GNL3L: variants seen among roughly 807,000 people sequenced by gnomAD.
The protein encoded by GNL3L is guanine nucleotide-binding protein-like 3-like protein.
GNL3L carries 4 observed loss-of-function variants against 42.9 expected under a neutral mutation model. The ratio of observed to expected loss-of-function variants is 0.09; its 90% CI spans 0.05 to 0.21. The LOEUF (loss-of-function observed/expected upper bound fraction) is 0.21, where lower values mean the gene tolerates loss of function less well. Ranked by LOEUF, GNL3L falls within the 10% of genes least tolerant of loss-of-function variation. The pLI is 1.00. For missense variants in GNL3L, 412 were observed against 481.7 expected (o/e 0.86, Z 1.36); for synonymous variants, 159 against 176.3 (o/e 0.90, Z 0.78).
chrX:54,623,917 T>C (rs936142279), downstream of GNL3L, among the ~76,000 whole-genome samples: 4 of 104,079 alleles, frequency 3.8e-5, no homozygotes, highest in African/African-American at 1.2e-4. Flanking sequence ...GTGGATTCTT[T>C]GGGATTTTTT....
At chrX:54,573,783 A>G (rs1275520621) in intron 16 of GNL3L, among the ~76,000 whole-genome samples, 2 of 110,354 alleles carry the variant, frequency 1.8e-5, no homozygotes, top group South Asian at 3.8e-4. Flanking sequence ...TACTTCTCTG[A>G]TAATTCTAAC....
intron 8 of GNL3L, 110 bp from the exon 9 acceptor site, chrX:54,548,119 C>T (rs759870572): frequency 9.8e-4 from 534 of 543,734 alleles, no homozygotes; most frequent in African/African-American, 5.3e-3. Context: ...CCTTCCGTTT[C>T]AGGCTGAGGA....
At chrX:54,597,747 C>T (rs1386880643) in intron 16 of GNL3L, among the ~76,000 whole-genome samples, 1 of 111,457 alleles carries the variant, frequency 9.0e-6, no homozygotes, top group Non-Finnish European at 1.9e-5. Context: ...TTGATTCCCT[C>T]TGACTAGGGC....
At position 54,564,402 on chromosome X, in the gene GNL3L, C is replaced by CTTTTTTTTTTTTTTTTTTTTTT. The variant is rs567172499; in HGVS notation, c.*3820_*3821insTTTTTTTTTTTTTTTTTTTTTT. On this transcript the variant is annotated 3_prime_UTR_variant, in exon 16 of 16. Coordinates refer to ENST00000360845, the MANE Select transcript of GNL3L (RefSeq NM_001184819.2). ...AGTCACTGGTTTTTTTCTTCGTTCTCTTTTTTTTTTTTTTTTTTTTGAGAC... is the reference window on the plus strand; with the variant it reads ...AGTCACTGGTTTTTTTCTTCGTTCTCTTTTTTTTTTTTTTTTTTTTTTTTTTTTTTTTTTTTTTTTTTGAGAC... 3.7e-5 allele frequency among the ~76,000 whole-genome samples: 3 copies of CTTTTTTTTTTTTTTTTTTTTTT among 80,808 alleles called. No homozygotes were observed. The highest frequency in any genetic ancestry group is 1.5e-4 in the Admixed American group (1 of 6,651). The allele number at this position is 80,808 out of a possible 115,157, so 70.2% of individuals were successfully genotyped here. A position where few individuals can be genotyped will look rare whatever the true frequency, so the allele number is the denominator to read the frequency against.
At chrX:54,550,283 TAG>T (rs1924896690) in intron 9 of GNL3L, among the ~76,000 whole-genome samples, 1 of 106,260 alleles carries the variant, frequency 9.4e-6, no homozygotes, top group African/African-American at 3.5e-5. Flanking sequence ...GAGAATGACC[TAG>T]AGAGAGGGAG....
chrX:54,543,089 C>T, intron 6 of GNL3L, 51 bp downstream of exon 6: 1 of 1,080,457 alleles, frequency 9.3e-7, no homozygotes, highest in Non-Finnish European at 1.3e-6. Flanking sequence ...CAGTCCAGCC[C>T]CTTTTCCTCT....
chrX:54,566,498 T>C lies in GNL3L; in HGVS notation c.*5896T>C, dbSNP rs1245241387. Among the ~76,000 whole-genome samples, 2 of 112,240 alleles carry C rather than the reference T, an allele frequency of 1.8e-5. No individual in the cohort carries two copies. Among genetic ancestry groups the C allele is most frequent in the East Asian group, 5.6e-4 (2 of 3,583 alleles). ...CCCAACCCCTTCTGCCCACAACCTC[T>C]GGCGACTGCCATGCTACTTTCTGTC... On this transcript the variant is annotated 3_prime_UTR_variant, in exon 16 of 16. Transcript: ENST00000360845.
At chrX:54,531,406 A>G (rs936384899) in intron 1 of GNL3L, among the ~76,000 whole-genome samples, 5 of 111,180 alleles carry the variant, frequency 4.5e-5, no homozygotes, top group Admixed American at 1.9e-4. Context: ...CCTTTACCCA[A>G]GGTAGTGGAG....
chrX:54,591,391 G>A (rs1925869949), intron 16 of GNL3L, among the ~76,000 whole-genome samples: 1 of 109,277 alleles, frequency 9.2e-6, no homozygotes, highest in Admixed American at 9.9e-5. Flanking sequence ...TCAGGGGTTC[G>A]AGACCAGCTT....
At chrX:54,635,366 A>G in the GNL3L span, among the ~76,000 whole-genome samples, 1 of 111,470 alleles carries the variant, frequency 9.0e-6, no homozygotes, top group Admixed American at 9.5e-5. Context: ...ATTTAAGTCA[A>G]TTGTTTTAAA....
chrX:54,639,651 C>G, the GNL3L span, among the ~76,000 whole-genome samples: 4 of 111,746 alleles, frequency 3.6e-5, no homozygotes, highest in African/African-American at 1.3e-4. Flanking sequence ...GCGTCTCTTA[C>G]AAGTAGTGTG....
chrX:54,546,675 T>G (rs1924782164), intron 8 of GNL3L, among the ~76,000 whole-genome samples: 1 of 112,126 alleles, frequency 8.9e-6, no homozygotes, highest in South Asian at 3.7e-4. Flanking sequence ...AGATGGAGTT[T>G]CACTCTTGTT....
intron 16 of GNL3L, among the ~76,000 whole-genome samples, chrX:54,609,206 G>A (rs1926135402): frequency 9.0e-6 from 1 of 111,566 alleles, no homozygotes; most frequent in South Asian, 3.7e-4. Context: ...TGGATTATTT[G>A]TTTTTTTCTT....
At chrX:54,598,322 A>G (rs143268188) in intron 16 of GNL3L, among the ~76,000 whole-genome samples, 2,023 of 111,781 alleles carry the variant, frequency 0.018, 20 homozygotes, top group Non-Finnish European at 0.031. Flanking sequence ...GAGGAGTGAC[A>G]AAAACAAGGG....
chrX:54,544,131 C>A, intron 7 of GNL3L, 92 bp from the exon 8 acceptor site: 1 of 501,276 alleles, frequency 2.0e-6, no homozygotes, highest in Non-Finnish European at 3.6e-6. Context: ...GTAGGTGGGC[C>A]TAGCTTTGGG....
intron 16 of GNL3L, among the ~76,000 whole-genome samples, chrX:54,583,064 C>A (rs751728654): frequency 8.9e-6 from 1 of 111,872 alleles, no homozygotes; most frequent in South Asian, 3.7e-4. Context: ...AGATATTAGT[C>A]ATTTGTTGAA....
In GNL3L at chrX:54,567,021, T is replaced by C. The variant is rs1050069151; in HGVS notation, c.*6419T>C. On this transcript the variant is annotated 3_prime_UTR_variant, in exon 16 of 16. Coordinates refer to ENST00000360845, the MANE Select transcript of GNL3L (RefSeq NM_001184819.2). The stretch of plus-strand genomic sequence containing the variant: ...TTGCTTAACATGAGATGACAAAGGT[T>C]TTCTCCCATGTTTCCTCCTAAAAGT... 3.6e-5 allele frequency among the ~76,000 whole-genome samples: 4 copies of C among 112,274 alleles called. No individual in the cohort carries two copies. The highest frequency in any genetic ancestry group is 1.3e-4 in the African/African-American group (4 of 30,925).
Position 54,616,850 on chromosome X carries a change from A to G in GNL3L, c.*46-3995A>G, listed in dbSNP as rs144135292. On this transcript the variant is annotated intron_variant, in intron 16 of 16. Transcript: ENST00000674498. ...TAAGGGGTTTGTTACTATTGTGTTT[A>G]TTTCCATGTCAGTTAACTTTGGTAG... is the stretch of plus-strand genomic sequence containing the variant. Among the ~76,000 whole-genome samples the G allele has an allele frequency of 3.5e-4, 39 of 111,974 alleles. No individual in the cohort carries two copies. The East Asian group carries it at 8.4e-3, about 24-fold the overall frequency.
chrX:54,537,026 CTTT>C (rs747450203), intron 2 of GNL3L, among the ~76,000 whole-genome samples: 3 of 85,846 alleles, frequency 3.5e-5, no homozygotes, highest in Non-Finnish European at 4.5e-5. Flanking sequence ...GGTTGTTAAT[CTTT>C]TTTTTTTTTT....
Sources: allele counts gnomAD v4.1 joint callset (sites outside exome capture counted in the v4.1 genomes callset), GRCh38; gene constraint gnomAD v4.1.1; transcripts MANE v1.5; gene names NCBI Gene and HGNC (gene_info 2026-07-23, HGNC 2026-07-21).